Variants in FAM171A2 observed in about 807,000 individuals in gnomAD.
The protein encoded by FAM171A2 is family with sequence similarity 171 member A2.
Under a neutral mutation model 34.2 loss-of-function variants are expected in FAM171A2, and 13 were observed. The ratio of observed to expected loss-of-function variants is 0.38; its 90% confidence interval spans 0.25 to 0.60. The LOEUF (loss-of-function observed/expected upper bound fraction) is 0.60, where lower values mean the gene tolerates loss of function less well. Ranked by LOEUF, FAM171A2 falls within the 20% of genes least tolerant of loss-of-function variation. FAM171A2 has a pLI of 0.62. For synonymous variants in FAM171A2, 475 were observed against 561.2 expected (o/e 0.85, Z 2.17); for missense variants, 950 against 1,180.7 (o/e 0.80, Z 2.86).
At position 44,359,678 on chromosome 17, in the gene FAM171A2, G is replaced by A; in HGVS notation, c.347-7C>T. 6.5e-7 allele frequency: 1 copy of A among 1,549,842 alleles called. No individual in the cohort carries two copies. The highest frequency in any genetic ancestry group is 8.7e-7 in the Non-Finnish European group (1 of 1,146,464). ...AGGCTGACAGACGCATACACTGCGG[G>A]AGGGATGGCCGGTCAGCTCCAGGAA... On this transcript the variant is annotated splice_region_variant and splice_polypyrimidine_tract_variant and intron_variant, in intron 2 of 7. Transcript: ENST00000293443.
At position 44,355,858 on chromosome 17, in the gene FAM171A2, C is replaced by A; in HGVS notation, c.896-17G>T. On this transcript the variant is annotated splice_polypyrimidine_tract_variant and intron_variant, in intron 6 of 7. Transcript: ENST00000293443. This position sits in a 1 kb window ranked among gnomAD's most constrained non-coding sequence, Gnocchi z 4.1. Reference sequence around the variant, plus strand: ...TGACCAGCCCTGTGCCAGGCGAGGGCTTAGCGTTCAGGTGTAGACACCCTT... The same window carrying A: ...TGACCAGCCCTGTGCCAGGCGAGGGATTAGCGTTCAGGTGTAGACACCCTT... The A allele has an allele frequency of 1.3e-6, 2 of 1,551,562 alleles. No homozygotes were observed. The highest frequency in any genetic ancestry group is 1.2e-5 in the South Asian group (1 of 84,062).
At chr17:44,359,496 C>T in intron 3 of FAM171A2, 83 bp downstream of exon 3, 1 of 1,214,824 alleles carries the variant, frequency 8.2e-7, no homozygotes, top group Non-Finnish European at 1.2e-6. Context: ...CCAAGGACAC[C>T]CAGCTAATAT....
In FAM171A2 at chr17:44,354,451, C is replaced by G; in HGVS notation, c.1763G>C (p.Gly588Ala). 1 of 1,096,682 alleles carries G rather than the reference C, an allele frequency of 9.1e-7. No homozygotes were observed. Among genetic ancestry groups the G allele is most frequent in the Non-Finnish European group, 1.1e-6 (1 of 898,954 alleles). The allele number at this position is 1,096,682 out of a possible 1,614,324, so 67.9% of individuals were successfully genotyped here. A position where few individuals can be genotyped will look rare whatever the true frequency, so the allele number is the denominator to read the frequency against. Reference protein sequence around the residue: ...QPDPQRPQMPGHSGPGGEGGG... With the variant: ...QPDPQRPQMPAHSGPGGEGGG... ...GCCCTCGCCCCCCGGGCCCGAGTGG[C>G]CCGGCATCTGCGGGCGCTGGGGGTC... Residue 588 changes from glycine to alanine, a missense_variant, in exon 8 of 8, where the codon GGC (glycine) becomes GCC (alanine). Physicochemically the swap from Gly to Ala is moderately conservative, Grantham distance 60. Coordinates refer to ENST00000293443, the MANE Select transcript of FAM171A2 (RefSeq NM_198475.3). The surrounding 1 kb of genome is among the most constrained non-coding windows in gnomAD (Gnocchi z 5.8).
chr17:44,354,743 C>T lies in FAM171A2; in HGVS notation c.1471G>A (p.Ala491Thr). Residue 491 changes from alanine to threonine, a missense_variant, in exon 8 of 8, where the codon GCC becomes ACC. This residue lies in a region of FAM171A2 where 752 missense variants were observed against 924.5 expected (regional missense o/e 0.81). Transcript: ENST00000293443. The surrounding 1 kb of genome is among the most constrained non-coding windows in gnomAD (Gnocchi z 5.8). Reference protein sequence around the residue: ...FDHYLGHKGAAEGKTPDFLLS... With the variant: ...FDHYLGHKGATEGKTPDFLLS... ...AGGAAGTCGGGGGTCTTGCCCTCGGCCGCCCCCTTGTGGCCCAGGTAGTGG... is the reference window on the plus strand; with the variant it reads ...AGGAAGTCGGGGGTCTTGCCCTCGGTCGCCCCCTTGTGGCCCAGGTAGTGG... The T allele has an allele frequency of 7.6e-7, 1 of 1,309,848 alleles. No individual in the cohort carries two copies. 81.1% of individuals were successfully genotyped at this position (1,309,848 alleles called of 1,614,324 possible).
chr17:44,360,650 A>C (rs189903607), intron 1 of FAM171A2, among the ~76,000 whole-genome samples: 1 of 152,194 alleles, frequency 6.6e-6, no homozygotes, highest in East Asian at 1.9e-4. Flanking sequence ...GGAGAGGAGA[A>C]GGACAGGAGG....
rs1007215951 is a variant in FAM171A2 at position 44,355,934 on chromosome 17, C to T, written c.895+24G>A. On this transcript the variant is annotated intron_variant, in intron 6 of 7. Transcript: ENST00000293443. The surrounding 1 kb of genome is among the most constrained non-coding windows in gnomAD (Gnocchi z 4.1). ...CAGCTCCCCTCCTCCGCGGCCTCTACGCCCACTGCCCCACTACTCTTACCA... is the reference window on the plus strand; with the variant it reads ...CAGCTCCCCTCCTCCGCGGCCTCTATGCCCACTGCCCCACTACTCTTACCA... The T allele has an allele frequency of 7.8e-6, 12 of 1,540,808 alleles. No individual in the cohort carries two copies. In the Admixed American group the frequency reaches 7.9e-5, roughly 10 times the overall value.
Position 44,354,936 on chromosome 17 carries a change from C to G in FAM171A2, c.1278G>C (p.Pro426=). ...CGCGGGCACCCGAAGGCTCGGCGGC[C>G]GGGCGGCTGGCAGAGCGCGGCTTGG... ...FRTKPRSASR[P]AAEPSGARGG... Residue 426 remains proline, a synonymous_variant, in exon 8 of 8, where the codon CCG becomes CCC. Transcript: ENST00000293443. This position sits in a 1 kb window ranked among gnomAD's most constrained non-coding sequence, Gnocchi z 5.8. The G allele has an allele frequency of 7.0e-7, 1 of 1,421,964 alleles. No individual in the cohort carries two copies. The allele number at this position is 1,421,964 out of a possible 1,614,324, so 88.1% of individuals were successfully genotyped here.
Position 44,354,348 on chromosome 17 carries a change from GA to G in FAM171A2, c.1865del (p.Phe622SerfsTer16). ...VSGSVTIPVL[F>X]NESTMAQLNG... ...TGAGCTGCGCCATGGTGGACTCGTT[GA>G]ATAGCACAGGGATGGTGACTGAGCC... On this transcript the variant is annotated frameshift_variant, in exon 8 of 8. Transcript: ENST00000293443. LOFTEE classifies it low-confidence loss of function (END_TRUNC). The surrounding 1 kb of genome is among the most constrained non-coding windows in gnomAD (Gnocchi z 5.8). 1 of 1,433,284 alleles carries G rather than the reference GA, an allele frequency of 7.0e-7. No homozygotes were observed. The allele number at this position is 1,433,284 out of a possible 1,614,324, so 88.8% of individuals were successfully genotyped here.
chr17:44,359,691 T>A lies in FAM171A2; in HGVS notation c.347-20A>T. The A allele has an allele frequency of 6.5e-7, 1 of 1,547,262 alleles. No individual in the cohort carries two copies. Among genetic ancestry groups the A allele is most frequent in the Non-Finnish European group, 8.7e-7 (1 of 1,145,170 alleles). On this transcript the variant is annotated intron_variant, in intron 2 of 7. Coordinates refer to ENST00000293443, the MANE Select transcript of FAM171A2 (RefSeq NM_198475.3). ...CATACACTGCGGGAGGGATGGCCGGTCAGCTCCAGGAAAACCCACCCCCTA... is the reference window on the plus strand; with the variant it reads ...CATACACTGCGGGAGGGATGGCCGGACAGCTCCAGGAAAACCCACCCCCTA...
Position 44,356,244 on chromosome 17 carries a change from G to C in FAM171A2, c.707C>G (p.Pro236Arg), listed in dbSNP as rs1377171917. 2 of 1,551,566 alleles carry C rather than the reference G, an allele frequency of 1.3e-6. No homozygotes were observed. Among genetic ancestry groups the C allele is most frequent in the Non-Finnish European group, 1.7e-6 (2 of 1,146,934 alleles). ...PLSGPIHLSL[P>R]VPSETRALTV... ...GAGGGCACGAGTCTCGGAGGGCACG[G>C]GCAGGGACAGGTGAATGGGGCCTGA... The change falls in exon 5 of 8, where the codon CCC becomes CGC. Residue 236 changes from proline to arginine, a missense_variant. Physicochemically the swap from Pro to Arg is moderately radical, Grantham distance 103. Around this residue, in one of 3 missense-constraint regions of FAM171A2, gnomAD observed 752 missense variants for 924.5 expected, o/e 0.81. Coordinates refer to ENST00000293443, the MANE Select transcript of FAM171A2 (RefSeq NM_198475.3).
Position 44,353,413 on chromosome 17 carries a change from G to C in FAM171A2, c.*320C>G, listed in dbSNP as rs1429310679. 5.8e-6 allele frequency: 1 copy of C among 172,658 alleles called. No individual in the cohort carries two copies. Among genetic ancestry groups the C allele is most frequent in the Non-Finnish European group, 1.2e-5 (1 of 81,592 alleles). The allele number at this position is 172,658 out of a possible 1,614,324, so 10.7% of individuals were successfully genotyped here. ...TCCCAGCCCTCACACTAGCAGCTGA[G>C]GCTGGGTCACCCCTCCTGCTTTCCC... is the stretch of plus-strand genomic sequence containing the variant. On this transcript the variant is annotated 3_prime_UTR_variant, in exon 8 of 8. Coordinates refer to ENST00000293443, the MANE Select transcript of FAM171A2 (RefSeq NM_198475.3).
chr17:44,363,025 G>C (rs2048454038), intron 1 of FAM171A2, among the ~76,000 whole-genome samples: 1 of 152,122 alleles, frequency 6.6e-6, no homozygotes, highest in Non-Finnish European at 1.5e-5. Flanking sequence ...CTCTAAACCA[G>C]GGGGGCTGGC....
At position 44,357,156 on chromosome 17, in the gene FAM171A2, T is replaced by A. The variant is rs1340035121; in HGVS notation, c.440-568A>T. The stretch of plus-strand genomic sequence containing the variant: ...TGAGGTCAGGAGTTGGAGACCAGCC[T>A]GACCAACATGGAGAAACCCTGACTC... On this transcript the variant is annotated intron_variant, in intron 3 of 7. Transcript: ENST00000293443. 2.0e-5 allele frequency among the ~76,000 whole-genome samples: 3 copies of A among 152,092 alleles called. 1 individual carries two copies. The highest frequency in any genetic ancestry group is 2.0e-4 in the Admixed American group (3 of 15,274).
intron 1 of FAM171A2, among the ~76,000 whole-genome samples, chr17:44,362,436 C>G (rs149961952): frequency 2.7e-3 from 415 of 152,326 alleles, no homozygotes; most frequent in Non-Finnish European, 4.6e-3. Flanking sequence ...CCGACCCCCT[C>G]CCTTCATCCG....
chr17:44,353,911 C>T lies in FAM171A2; in HGVS notation c.2303G>A (p.Arg768Gln). 7.7e-7 allele frequency: 1 copy of T among 1,299,614 alleles called. No homozygotes were observed. Among genetic ancestry groups the T allele is most frequent in the Non-Finnish European group, 9.7e-7 (1 of 1,030,120 alleles). The allele number at this position is 1,299,614 out of a possible 1,614,324, so 80.5% of individuals were successfully genotyped here. The change falls in exon 8 of 8, where the codon CGG becomes CAG. Residue 768 changes from arginine to glutamine, a missense_variant. Arg to Gln is a conservative substitution (Grantham distance 43). This residue lies in a region of FAM171A2 where 191 missense variants were observed against 222.8 expected (regional missense o/e 0.86). Coordinates refer to ENST00000293443, the MANE Select transcript of FAM171A2 (RefSeq NM_198475.3). ...GTCCCCGCGGCTGCGGCCCCGCCCC[C>T]GGGGTACCGTGGCCGCCCGGCCCTC... ...APEGRAATVPRGRGRSRGDSS... is the reference protein window; with the variant it reads ...APEGRAATVPQGRGRSRGDSS...
chr17:44,360,180 G>A, intron 1 of FAM171A2, 48 bp from the exon 2 acceptor site: 25 of 1,463,228 alleles, frequency 1.7e-5, no homozygotes, highest in Non-Finnish European at 2.1e-5. Context: ...GAGGGGGAAA[G>A]AGAACTGGGG....
chr17:44,361,720 G>C (rs899492273), intron 1 of FAM171A2, among the ~76,000 whole-genome samples: 1 of 152,058 alleles, frequency 6.6e-6, no homozygotes, highest in African/African-American at 2.4e-5. Context: ...CATTTGATGT[G>C]ATTTAATTCT....
At position 44,353,277 on chromosome 17, in the gene FAM171A2, C is replaced by A; in HGVS notation, c.*456G>T. 4.5e-6 allele frequency: 1 copy of A among 222,606 alleles called. No individual in the cohort carries two copies. Among genetic ancestry groups the A allele is most frequent in the Non-Finnish European group, 9.1e-6 (1 of 110,146 alleles). 13.8% of individuals were successfully genotyped at this position (222,606 alleles called of 1,614,324 possible). ...CGGCTGTATCACATTACCCCCTAGT[C>A]CCCAGAGCTGTCCCAGCCACCAGCC... On this transcript the variant is annotated 3_prime_UTR_variant, in exon 8 of 8. Coordinates refer to ENST00000293443, the MANE Select transcript of FAM171A2 (RefSeq NM_198475.3).
chr17:44,356,958 C>T (rs2048426858), intron 3 of FAM171A2, among the ~76,000 whole-genome samples: 2 of 152,168 alleles, frequency 1.3e-5, no homozygotes, highest in Admixed American at 6.5e-5. Context: ...AGGTGTGCTG[C>T]CCATTATGGT....
Sources: allele counts gnomAD v4.1 joint callset (sites outside exome capture counted in the v4.1 genomes callset), GRCh38; gene constraint gnomAD v4.1.1; regional missense constraint gnomAD v4.1.1; non-coding constraint Gnocchi (gnomAD v3.1); transcripts MANE v1.5; gene names NCBI Gene and HGNC (gene_info 2026-07-23, HGNC 2026-07-21).